HYAL4: variants seen among roughly 807,000 people sequenced by gnomAD.
HYAL4 encodes hyaluronidase-4.
A neutral mutation model predicts 35.2 loss-of-function variants in HYAL4; 37 were observed. The observed-to-expected ratio is 1.05, with a 90% CI of 0.81 to 1.38. The LOEUF is 1.38. Ranked by LOEUF, HYAL4 falls within the 40% of genes most tolerant of loss-of-function variation. HYAL4 has a pLI of 0.00. For missense variants in HYAL4, 572 were observed against 572.4 expected (o/e 1.00, Z 0.01); for synonymous variants, 198 against 203.2 (o/e 0.97, Z 0.22).
chr7:123,853,784 A>G (rs532962390), intron 2 of HYAL4, among the ~76,000 whole-genome samples: 1 of 152,312 alleles, frequency 6.6e-6, no homozygotes, highest in Non-Finnish European at 1.5e-5. Flanking sequence ...ATGGTTTGGA[A>G]TAATTTCTGA....
At chr7:123,853,862 T>C (rs1278295835) in intron 2 of HYAL4, among the ~76,000 whole-genome samples, 2 of 152,118 alleles carry the variant, frequency 1.3e-5, no homozygotes, top group African/African-American at 4.8e-5. Flanking sequence ...GGTCCTGGGC[T>C]TTTTTTGGTT....
upstream of HYAL4, among the ~76,000 whole-genome samples, chr7:123,826,294 A>G (rs907158343): frequency 6.6e-6 from 1 of 152,104 alleles, no homozygotes; most frequent in East Asian, 1.9e-4. Flanking sequence ...AAGAGTGGAA[A>G]AATGACTGAG....
At chr7:123,810,727 T>C in the HYAL4 span, among the ~76,000 whole-genome samples, 1 of 152,230 alleles carries the variant, frequency 6.6e-6, no homozygotes, top group Non-Finnish European at 1.5e-5. Context: ...GTGCATTCTA[T>C]GGCTTTTGAC....
chr7:123,793,104 G>A, the HYAL4 span, among the ~76,000 whole-genome samples: 1 of 152,108 alleles, frequency 6.6e-6, no homozygotes, highest in Non-Finnish European at 1.5e-5. Context: ...CATCAGTTGT[G>A]GTGTTTCAAA....
intron 1 of HYAL4, among the ~76,000 whole-genome samples, chr7:123,832,691 C>T (rs769064701): frequency 1.3e-5 from 2 of 151,182 alleles, no homozygotes; most frequent in African/African-American, 2.4e-5. Context: ...TTAGTAGAGA[C>T]GGGGTTTCAC....
At chr7:123,839,065 C>T (rs539129193) in intron 1 of HYAL4, among the ~76,000 whole-genome samples, 2 of 152,032 alleles carry the variant, frequency 1.3e-5, no homozygotes, top group East Asian at 1.9e-4. Context: ...TATACATGTG[C>T]CATGTTGGTT....
intron 2 of HYAL4, among the ~76,000 whole-genome samples, chr7:123,855,950 A>T (rs1339183325): frequency 6.6e-6 from 1 of 151,346 alleles, no homozygotes. Context: ...CATTCAGTTG[A>T]TCTTCAATCT....
chr7:123,852,241 A>C (rs1435571887), intron 2 of HYAL4, among the ~76,000 whole-genome samples: 5 of 152,106 alleles, frequency 3.3e-5, no homozygotes, highest in Non-Finnish European at 7.4e-5. Context: ...TCTTTAGTTT[A>C]ATTAGATCCC....
At chr7:123,825,000 C>T (rs1268545397), upstream of HYAL4, among the ~76,000 whole-genome samples, 1 of 152,132 alleles carries the variant, frequency 6.6e-6, no homozygotes. Context: ...AACATTCCTT[C>T]TGCCCTGATA....
At chr7:123,837,821 A>G (rs1197644485) in intron 1 of HYAL4, among the ~76,000 whole-genome samples, 2 of 151,882 alleles carry the variant, frequency 1.3e-5, no homozygotes, top group Non-Finnish European at 2.9e-5. Flanking sequence ...TTCCAGCTTC[A>G]TCCATGTCCC....
rs1331603320 is a variant in HYAL4 at position 123,868,912 on chromosome 7, C to T, written c.639C>T (p.Gly213=). Residue 213 remains glycine, a synonymous_variant, in exon 3 of 5, where the codon GGC becomes GGT. Transcript: ENST00000223026. ...IKLGIKSRPK[G]LWGYYLYPDC... is the part of the protein sequence containing the mutation. ...TGGGAATTAAGAGCCGACCCAAAGG[C>T]CTTTGGGGTTATTATTTATATCCTG... 3 of 1,614,050 alleles carry T rather than the reference C, an allele frequency of 1.9e-6. No homozygotes were observed. The African/African-American group carries it at 4.0e-5, about 22-fold the overall frequency.
chr7:123,787,108 A>C, the HYAL4 span, among the ~76,000 whole-genome samples: 1 of 110,754 alleles, frequency 9.0e-6, no homozygotes, highest in Admixed American at 8.4e-5. Context: ...ACTCTGTCTC[A>C]AAAAAAAAAA....
chr7:123,868,619 A>G lies in HYAL4; in HGVS notation c.346A>G (p.Ile116Val), dbSNP rs936725458. The change falls in exon 3 of 5, where the codon ATA becomes GTA. Residue 116 changes from isoleucine to valine, a missense_variant. Physicochemically the swap from Ile to Val is conservative, Grantham distance 29. Transcript: ENST00000223026. Reference protein sequence around the residue: ...VPINGGLPQNISLQVHLEKAD... With the variant: ...VPINGGLPQNVSLQVHLEKAD... The stretch of plus-strand genomic sequence containing the variant: ...CATTAATGGAGGTCTCCCACAGAAC[A>G]TAAGTTTACAAGTACATCTGGAAAA... 3.1e-6 allele frequency: 5 copies of G among 1,614,194 alleles called. No individual in the cohort carries two copies. Among genetic ancestry groups the G allele is most frequent in the South Asian group, 1.1e-5 (1 of 91,078 alleles).
the HYAL4 span, among the ~76,000 whole-genome samples, chr7:123,807,883 C>A: frequency 6.7e-6 from 1 of 149,772 alleles, no homozygotes; most frequent in Non-Finnish European, 1.5e-5. Context: ...AAGTGCATGC[C>A]ACCACATCCA....
At chr7:123,863,254 C>T (rs1045429531) in intron 2 of HYAL4, among the ~76,000 whole-genome samples, 2 of 152,166 alleles carry the variant, frequency 1.3e-5, no homozygotes, top group African/African-American at 2.4e-5. Context: ...ATTGTTAATA[C>T]TTAGAAGGGA....
chr7:123,802,458 C>T, the HYAL4 span, among the ~76,000 whole-genome samples: 1 of 152,080 alleles, frequency 6.6e-6, no homozygotes, highest in Non-Finnish European at 1.5e-5. Flanking sequence ...GAACTTATGC[C>T]TTTTGGCACA....
At chr7:123,835,934 A>G (rs1400635226) in intron 1 of HYAL4, among the ~76,000 whole-genome samples, 2 of 152,132 alleles carry the variant, frequency 1.3e-5, no homozygotes, top group Non-Finnish European at 2.9e-5. Flanking sequence ...CTGTGCTCTG[A>G]GACACTACTT....
In HYAL4 at chr7:123,830,999, A is replaced by G. The variant is rs149186166; in HGVS notation, c.-257+1875A>G. On this transcript the variant is annotated intron_variant, in intron 1 of 4. Coordinates refer to the HYAL4 transcript ENST00000489978. ...AATACTAGTTTGTTCTGCACTTTCA[A>G]TGGTTTGGCAATGGTTTATTAGTCC... 8.8e-4 allele frequency among the ~76,000 whole-genome samples: 134 copies of G among 152,132 alleles called. No individual in the cohort carries two copies. The East Asian group carries it at 0.012, about 13-fold the overall frequency.
At chr7:123,822,235 T>C in the HYAL4 span, among the ~76,000 whole-genome samples, 17,226 of 152,148 alleles carry the variant, frequency 0.11, 1,108 homozygotes, top group Non-Finnish European at 0.14. Context: ...TCACTTTGGA[T>C]AGTATGGACA....
Sources: gnomAD v4.1 joint callset for allele counts (sites outside exome capture counted in the v4.1 genomes callset) on GRCh38, gnomAD v4.1.1 for gene constraint, MANE v1.5 for transcripts, NCBI Gene and HGNC (gene_info 2026-07-23, HGNC 2026-07-21) for gene names.